The following ATXN2 variants were observed in gnomAD, a reference collection of about 807,000 sequenced individuals.
The protein encoded by ATXN2 is ataxin-2.
A neutral mutation model predicts 138.6 loss-of-function variants in ATXN2; 37 were observed. The observed-to-expected ratio is 0.27, with a 90% CI of 0.21 to 0.35. The LOEUF is 0.35. Ranked by LOEUF, ATXN2 falls within the 10% of genes least tolerant of loss-of-function variation. ATXN2 has a pLI of 1.00. For missense variants in ATXN2, 1,216 were observed against 1,480.3 expected (o/e 0.82, Z 2.93); for synonymous variants, 549 against 543.7 (o/e 1.01, Z -0.13).
At chr12:111,535,983 G>A in intron 5 of ATXN2, among the ~76,000 whole-genome samples, 1 of 143,832 alleles carries the variant, frequency 7.0e-6, no homozygotes. Flanking sequence ...CTGGGCGACA[G>A]AGCGAGACTC....
chr12:111,513,571 T>G lies in ATXN2; in HGVS notation c.1376-32A>C, dbSNP rs16941540. On this transcript the variant is annotated intron_variant, in intron 10 of 24. Coordinates refer to ENST00000673436, the MANE Select transcript of ATXN2 (RefSeq NM_001372574.1). ...AAGAAACAGTGAACATCACATAAAT[T>G]CCATGATATTCATCAGTACTACTTT... The G allele has an allele frequency of 0.02, 31,356 of 1,587,428 alleles. 4,991 individuals are homozygous for G. The African/African-American group carries it at 0.36, about 18-fold the overall frequency.
chr12:111,520,176 T>C, intron 7 of ATXN2, 100 bp from the exon 8 acceptor site: 1 of 1,399,588 alleles, frequency 7.1e-7, no homozygotes, highest in Non-Finnish European at 9.6e-7. Flanking sequence ...TTTAGAATAC[T>C]GGTAAAAACA....
At position 111,568,871 on chromosome 12, in the gene ATXN2, A is replaced by G. The variant is rs1014733800; in HGVS notation, c.252-12952T>C. Among the ~76,000 whole-genome samples the G allele has an allele frequency of 6.6e-5, 10 of 152,316 alleles. 1 individual carries two copies. The South Asian group carries it at 1.2e-3, about 19-fold the overall frequency. On this transcript the variant is annotated intron_variant, in intron 1 of 24. Transcript: ENST00000673436. Reference sequence around the variant, plus strand: ...CAGACTTCTTGTTGTTGTTTACATTATTATTAGAAAGGGAAATCCTATACC... The same window carrying G: ...CAGACTTCTTGTTGTTGTTTACATTGTTATTAGAAAGGGAAATCCTATACC...
At chr12:111,486,693 G>T in intron 16 of ATXN2, 68 bp downstream of exon 16, 1 of 1,347,648 alleles carries the variant, frequency 7.4e-7, no homozygotes, top group Non-Finnish European at 1.0e-6. Context: ...AGGTATGGAA[G>T]AAGGACTATT....
intron 14 of ATXN2, among the ~76,000 whole-genome samples, chr12:111,505,621 C>T (rs957999670): frequency 3.9e-5 from 6 of 152,170 alleles, no homozygotes; most frequent in African/African-American, 1.4e-4. Flanking sequence ...GAAAGAACTG[C>T]ACATTAAAGC....
chr12:111,586,240 A>G (rs1440966467), intron 1 of ATXN2, among the ~76,000 whole-genome samples: 1 of 147,560 alleles, frequency 6.8e-6, no homozygotes, highest in Non-Finnish European at 1.5e-5. Flanking sequence ...TTTTTGAGAC[A>G]GAGTCTCACT....
At chr12:111,479,001 T>G in intron 18 of ATXN2, 1 of 274,444 alleles carries the variant, frequency 3.6e-6, no homozygotes, top group South Asian at 1.5e-4. Context: ...AGAGTGAGAC[T>G]TCATCTCAAA....
At chr12:111,590,427 G>A (rs1387954217) in intron 1 of ATXN2, among the ~76,000 whole-genome samples, 1 of 151,988 alleles carries the variant, frequency 6.6e-6, no homozygotes, top group Non-Finnish European at 1.5e-5. Flanking sequence ...AGCAGCTCAC[G>A]CCTGTAATTC....
chr12:111,470,551 G>C lies in ATXN2; in HGVS notation c.2709+7C>G, dbSNP rs1876337795. Reference sequence around the variant, plus strand: ...AAAAATTAAGAGTTAGGCCTTACCAGCCTTACCTGAGACTGATAATGTGGC... The same window carrying C: ...AAAAATTAAGAGTTAGGCCTTACCACCCTTACCTGAGACTGATAATGTGGC... On this transcript the variant is annotated splice_region_variant and intron_variant, in intron 19 of 24. Transcript: ENST00000673436. 1 of 1,613,478 alleles carries C rather than the reference G, an allele frequency of 6.2e-7. No individual in the cohort carries two copies. Among genetic ancestry groups the C allele is most frequent in the Admixed American group, 1.7e-5 (1 of 59,994 alleles).
intron 14 of ATXN2, among the ~76,000 whole-genome samples, chr12:111,503,231 C>G (rs1878893497): frequency 6.6e-6 from 1 of 152,212 alleles, no homozygotes; most frequent in East Asian, 1.9e-4. Context: ...GAAGTTAGCT[C>G]TAATGAATCA....
At chr12:111,537,325 C>T (rs1297589220) in intron 5 of ATXN2, among the ~76,000 whole-genome samples, 1 of 152,134 alleles carries the variant, frequency 6.6e-6, no homozygotes, top group Non-Finnish European at 1.5e-5. Context: ...TGGCTCATGG[C>T]TGCAATCCCA....
In ATXN2 at chr12:111,520,168, T is replaced by A. The variant is rs565915424; in HGVS notation, c.789-92A>T. ...TCAACTACTAAGAAAGTTTAGAGTT[T>A]AGAATACTGGTAAAAACAGAAACTA... On this transcript the variant is annotated intron_variant, in intron 7 of 24. Coordinates refer to ENST00000673436, the MANE Select transcript of ATXN2 (RefSeq NM_001372574.1). 7.6e-6 allele frequency: 11 copies of A among 1,450,018 alleles called. No homozygotes were observed. The East Asian group carries it at 2.7e-4, about 35-fold the overall frequency. 89.8% of individuals were successfully genotyped at this position (1,450,018 alleles called of 1,614,324 possible). A position where few individuals can be genotyped will look rare whatever the true frequency, so the allele number is the denominator to read the frequency against.
chr12:111,488,612 G>A lies in ATXN2; in HGVS notation c.2104C>T (p.Pro702Ser), dbSNP rs1877801629. 1 of 1,613,956 alleles carries A rather than the reference G, an allele frequency of 6.2e-7. No homozygotes were observed. The highest frequency in any genetic ancestry group is 1.1e-5 in the South Asian group (1 of 91,074). Residue 702 changes from proline (P) to serine (S), a missense_variant, in exon 15 of 25, where the codon CCC becomes TCC. This residue lies in a region of ATXN2 where 490 missense variants were observed against 653.5 expected (regional missense o/e 0.75). Coordinates refer to ENST00000673436, the MANE Select transcript of ATXN2 (RefSeq NM_001372574.1). Reference protein sequence around the residue: ...CTSGSSKPNSPSISPSILSNT... With the variant: ...CTSGSSKPNSSSISPSILSNT... ...CTAAGTATTGAAGGGGAAATGCTGG[G>A]GCTATTCGGCTTGCTGCTGCCACTG...
At chr12:111,467,133 C>T (rs1876081106) in intron 20 of ATXN2, among the ~76,000 whole-genome samples, 1 of 151,464 alleles carries the variant, frequency 6.6e-6, no homozygotes, top group African/African-American at 2.4e-5. Flanking sequence ...CAAAACAATT[C>T]TTTCTTATGT....
rs1446355544 is a variant in ATXN2, at chr12:111,470,197, A to G, written c.2753T>C (p.Met918Thr). 1 of 1,614,064 alleles carries G rather than the reference A, an allele frequency of 6.2e-7. No homozygotes were observed. The highest frequency in any genetic ancestry group is 8.5e-7 in the Non-Finnish European group (1 of 1,180,016). ...YSPVIQGNAR[M>T]MAPPTHAQPG... ...CTGGGCGTGTGTTGGTGGTGCCATC[A>G]TTCTAGCATTACCCTGTATTACAGG... The change falls in exon 20 of 25, where the codon ATG (methionine) becomes ACG (threonine). Residue 918 changes from methionine (M) to threonine (T), a missense_variant. Physicochemically the swap from Met to Thr is moderately conservative, Grantham distance 81. This residue lies in a region of ATXN2 where 490 missense variants were observed against 653.5 expected (regional missense o/e 0.75). Coordinates refer to ENST00000673436, the MANE Select transcript of ATXN2 (RefSeq NM_001372574.1).
chr12:111,527,268 G>A (rs1277690326), intron 5 of ATXN2, among the ~76,000 whole-genome samples: 1 of 152,204 alleles, frequency 6.6e-6, no homozygotes, highest in Non-Finnish European at 1.5e-5. Context: ...ATCTGGCTCT[G>A]CTGAGGAATA....
At chr12:111,520,776 T>G (rs924878916) in intron 7 of ATXN2, 106 bp downstream of exon 7, 5 of 626,598 alleles carry the variant, frequency 8.0e-6, no homozygotes, top group Non-Finnish European at 1.3e-5. Flanking sequence ...AATTATTTCA[T>G]GTAATTGTTT....
At chr12:111,595,034 T>C (rs1381902286) in intron 1 of ATXN2, among the ~76,000 whole-genome samples, 2 of 152,180 alleles carry the variant, frequency 1.3e-5, no homozygotes, top group Non-Finnish European at 2.9e-5. Flanking sequence ...CTTAATAATA[T>C]ATGCACTTGA....
chr12:111,525,248 A>G lies in ATXN2; in HGVS notation c.640T>C (p.Trp214Arg). The stretch of plus-strand genomic sequence containing the variant: ...TTGGCTGTGAGTTCACCTGCATCCC[A>G]GGGCTCCAGGTCCTTCTCTTTGTGT... ...GEHKEKDLEP[W>R]DAGELTANEE... The change falls in exon 6 of 25, where the codon TGG becomes CGG. Residue 214 changes from tryptophan (W) to arginine (R), a missense_variant. Transcript: ENST00000673436. 1 of 1,613,742 alleles carries G rather than the reference A, an allele frequency of 6.2e-7. No individual in the cohort carries two copies. Among genetic ancestry groups the G allele is most frequent in the Non-Finnish European group, 8.5e-7 (1 of 1,179,916 alleles).
Sources: allele counts gnomAD v4.1 joint callset (sites outside exome capture counted in the v4.1 genomes callset), GRCh38; gene constraint gnomAD v4.1.1; regional missense constraint gnomAD v4.1.1; transcripts MANE v1.5; gene names NCBI Gene and HGNC (gene_info 2026-07-23, HGNC 2026-07-21).